MACROD2: variants seen among roughly 807,000 people sequenced by gnomAD.
MACROD2 encodes ADP-ribose glycohydrolase MACROD2.
Under a neutral mutation model 70.4 loss-of-function variants are expected in MACROD2, and 36 were observed. The observed-to-expected ratio is 0.51, with a 90% confidence interval of 0.39 to 0.68. The LOEUF is 0.68. Ranked by LOEUF, MACROD2 falls within the 30% of genes least tolerant of loss-of-function variation. MACROD2 has a pLI of 0.00. For synonymous variants in MACROD2, 172 were observed against 178.8 expected (o/e 0.96, Z 0.30); for missense variants, 496 against 538.4 (o/e 0.92, Z 0.78).
chr20:15,895,313 A>G (rs112250275), intron 10 of MACROD2, among the ~76,000 whole-genome samples: 161 of 152,354 alleles, frequency 1.1e-3, no homozygotes, highest in African/African-American at 3.8e-3. Flanking sequence ...CATAAAGATG[A>G]AAATGTGGTA....
chr20:15,123,433 C>T (rs1480583073), intron 5 of MACROD2, among the ~76,000 whole-genome samples: 2 of 152,122 alleles, frequency 1.3e-5, no homozygotes, highest in African/African-American at 4.8e-5. Context: ...AAGTAAAATT[C>T]GGCTAGTTCA....
At chr20:15,471,046 G>A (rs1017654155) in intron 7 of MACROD2, among the ~76,000 whole-genome samples, 3 of 152,074 alleles carry the variant, frequency 2.0e-5, no homozygotes, top group African/African-American at 7.2e-5. Flanking sequence ...TATCAACAAT[G>A]GTCTTGTATG....
chr20:14,954,026 T>C lies in MACROD2; in HGVS notation c.418+269067T>C, dbSNP rs1326461754. Among the ~76,000 whole-genome samples the C allele has an allele frequency of 3.3e-5, 5 of 152,152 alleles. No homozygotes were observed. The East Asian group carries it at 9.6e-4, about 29-fold the overall frequency. On this transcript the variant is annotated intron_variant, in intron 5 of 17. Coordinates refer to ENST00000684519, the MANE Select transcript of MACROD2 (RefSeq NM_001351661.2). ...TTTGGTTTCTAAGTCTTAGGAGATA[T>C]GCAAATGCTGAAGTCCTCAATGTTC...
intron 10 of MACROD2, among the ~76,000 whole-genome samples, chr20:15,907,142 C>G (rs2065159596): frequency 6.6e-6 from 1 of 152,340 alleles, no homozygotes; most frequent in African/African-American, 2.4e-5. Context: ...CCCACCAATT[C>G]TTCAAGGAGG....
chr20:15,986,979 TCTAA>T lies in MACROD2; in HGVS notation c.1061-84_1061-81del, dbSNP rs2147469746. 2.3e-6 allele frequency: 3 copies of T among 1,277,338 alleles called. No individual in the cohort carries two copies. The African/African-American group carries it at 4.5e-5, about 19-fold the overall frequency. The allele number at this position is 1,277,338 out of a possible 1,614,324, so 79.1% of individuals were successfully genotyped here. On this transcript the variant is annotated intron_variant, in intron 14 of 17. Coordinates refer to ENST00000684519, the MANE Select transcript of MACROD2 (RefSeq NM_001351661.2). The stretch of plus-strand genomic sequence containing the variant: ...GAAACTTGAAGGGGGAAAAAAGAAC[TCTAA>T]CTTTCTATACCATAGTCACAGTATT...
chr20:15,108,456 T>C lies in MACROD2; in HGVS notation c.419-121484T>C, dbSNP rs531785729. On this transcript the variant is annotated intron_variant, in intron 5 of 17. Transcript: ENST00000684519. ...ATATCCTGTGGATTATTTAAGCACATGCCACATTGCTACAACTCATGGAGT... is the reference window on the plus strand; with the variant it reads ...ATATCCTGTGGATTATTTAAGCACACGCCACATTGCTACAACTCATGGAGT... Among the ~76,000 whole-genome samples the C allele has an allele frequency of 1.7e-4, 26 of 152,314 alleles. 1 individual carries two copies. In the South Asian group the frequency reaches 5.4e-3, roughly 32 times the overall value.
chr20:15,157,931 A>T (rs919171576), intron 5 of MACROD2, among the ~76,000 whole-genome samples: 1 of 152,144 alleles, frequency 6.6e-6, no homozygotes, highest in Non-Finnish European at 1.5e-5. Context: ...CATTGCTGTG[A>T]ACCTCAGGGT....
intron 2 of MACROD2, among the ~76,000 whole-genome samples, chr20:14,043,840 G>A (rs537781562): frequency 4.6e-5 from 7 of 152,184 alleles, no homozygotes; most frequent in East Asian, 1.9e-4. Flanking sequence ...TACCTTCTGA[G>A]GCCTACTTCT....
chr20:14,099,018 G>A (rs908245953), intron 3 of MACROD2, among the ~76,000 whole-genome samples: 1 of 152,158 alleles, frequency 6.6e-6, no homozygotes, highest in Admixed American at 6.5e-5. Context: ...GGTGGCTCAC[G>A]CCTGTAATCC....
At chr20:14,574,219 G>A (rs1441615435) in intron 4 of MACROD2, among the ~76,000 whole-genome samples, 1 of 152,188 alleles carries the variant, frequency 6.6e-6, no homozygotes, top group East Asian at 1.9e-4. Context: ...TTCTGCTCTC[G>A]TTGCTCCTTG....
chr20:15,273,726 G>C (rs542286559), intron 6 of MACROD2, among the ~76,000 whole-genome samples: 1 of 152,246 alleles, frequency 6.6e-6, no homozygotes, highest in South Asian at 2.1e-4. Flanking sequence ...GGCAATTTGG[G>C]TGCTGTGCTT....
At chr20:15,209,064 G>A (rs1436928834) in intron 5 of MACROD2, among the ~76,000 whole-genome samples, 1 of 151,864 alleles carries the variant, frequency 6.6e-6, no homozygotes, top group Admixed American at 6.6e-5. Flanking sequence ...TTATCTTTCT[G>A]TTTTGTTAGG....
intron 13 of MACROD2, among the ~76,000 whole-genome samples, chr20:15,979,100 G>A (rs926298917): frequency 2.2e-4 from 33 of 152,180 alleles, no homozygotes; most frequent in African/African-American, 7.7e-4. Flanking sequence ...ATCATGGGCA[G>A]TTTAAAAATA....
chr20:14,788,580 C>T (rs1313128447), intron 5 of MACROD2, among the ~76,000 whole-genome samples: 1 of 73,280 alleles, frequency 1.4e-5, no homozygotes, highest in Non-Finnish European at 2.6e-5. Flanking sequence ...GATCACATCT[C>T]AAAAAAAAAA....
chr20:14,873,644 C>T (rs983111946), intron 5 of MACROD2, among the ~76,000 whole-genome samples: 2 of 152,078 alleles, frequency 1.3e-5, no homozygotes, highest in Admixed American at 1.3e-4. Context: ...AGGCAGATCA[C>T]CTGAGGTCAG....
At chr20:14,769,182 G>A (rs1296318666) in intron 5 of MACROD2, among the ~76,000 whole-genome samples, 1 of 152,090 alleles carries the variant, frequency 6.6e-6, no homozygotes, top group Non-Finnish European at 1.5e-5. Flanking sequence ...GTCTACCCCA[G>A]GGTAGTCATC....
intron 3 of MACROD2, among the ~76,000 whole-genome samples, chr20:14,156,305 A>C (rs927105571): frequency 1.3e-5 from 2 of 152,218 alleles, no homozygotes; most frequent in Admixed American, 6.5e-5. Flanking sequence ...AAAATAGAGA[A>C]ACAATATTTT....
At chr20:14,419,907 A>G (rs2083856113) in intron 3 of MACROD2, among the ~76,000 whole-genome samples, 1 of 152,062 alleles carries the variant, frequency 6.6e-6, no homozygotes, top group Non-Finnish European at 1.5e-5. Flanking sequence ...ACAAAAATGT[A>G]TCATGTGGAT....
At chr20:15,270,383 C>A (rs2146065497) in intron 6 of MACROD2, among the ~76,000 whole-genome samples, 1 of 152,154 alleles carries the variant, frequency 6.6e-6, no homozygotes, top group South Asian at 2.1e-4. Context: ...TTCTATGAAG[C>A]CGTTGATATA....
Sources: gnomAD v4.1 joint callset for allele counts (sites outside exome capture counted in the v4.1 genomes callset) on GRCh38, gnomAD v4.1.1 for gene constraint, MANE v1.5 for transcripts, NCBI Gene and HGNC (gene_info 2026-07-23, HGNC 2026-07-21) for gene names.